Variants in ZNF611 observed in about 807,000 individuals in gnomAD.
The protein encoded by ZNF611 is zinc finger protein 611.
ZNF611 carries 6 observed loss-of-function variants against 8.9 expected under a neutral mutation model. The observed-to-expected ratio is 0.68, with a 90% confidence interval of 0.37 to 1.34. The LOEUF (loss-of-function observed/expected upper bound fraction) is 1.34. Ranked by LOEUF, ZNF611 falls within the 40% of genes most tolerant of loss-of-function variation. ZNF611 has a pLI of 0.02. For synonymous variants in ZNF611, 262 were observed against 279.7 expected (o/e 0.94, Z 0.63); for missense variants, 874 against 841.3 (o/e 1.04, Z -0.48).
chr19:52,723,680 C>A (rs1600328135), intron 3 of ZNF611: 1 of 152,190 alleles, frequency 6.6e-6, no homozygotes, highest in East Asian at 1.9e-4. Flanking sequence ...AGAGGACCAG[C>A]ACTCAGCATA....
rs565919535 is a variant in ZNF611, at chr19:52,719,390, C to T, written c.-19-3477G>A. Reference sequence around the variant, plus strand: ...CATGAAAAGGGAAGAGGGTGATCCACAACTAACGAGTCAAGTCACTGTCCT... The same window carrying T: ...CATGAAAAGGGAAGAGGGTGATCCATAACTAACGAGTCAAGTCACTGTCCT... On this transcript the variant is annotated intron_variant, in intron 3 of 5. Coordinates refer to ENST00000652185, the MANE Select transcript of ZNF611 (RefSeq NM_001161499.2). Among the ~76,000 whole-genome samples, 3 of 152,268 alleles carry T rather than the reference C, an allele frequency of 2.0e-5. No homozygotes were observed. The South Asian group carries it at 6.2e-4, about 32-fold the overall frequency.
At chr19:52,728,486 C>T (rs557656926) in intron 3 of ZNF611, among the ~76,000 whole-genome samples, 5 of 151,908 alleles carry the variant, frequency 3.3e-5, no homozygotes, top group African/African-American at 7.3e-5. Flanking sequence ...TGCAGTGAGC[C>T]GAGATCGCAC....
At chr19:52,710,761 C>G (rs1231664409) in intron 5 of ZNF611, among the ~76,000 whole-genome samples, 2 of 152,122 alleles carry the variant, frequency 1.3e-5, no homozygotes, top group Non-Finnish European at 2.9e-5. Flanking sequence ...TATTATTAAA[C>G]AAAGGAAGTT....
intron 3 of ZNF611, among the ~76,000 whole-genome samples, chr19:52,727,907 C>CTTTT (rs11319896): frequency 3.8e-5 from 4 of 105,876 alleles, no homozygotes; most frequent in Non-Finnish European, 5.7e-5. Context: ...TGTTGTGTGC[C>CTTTT]TTTTTTTTTT....
intron 3 of ZNF611, among the ~76,000 whole-genome samples, chr19:52,725,094 T>C (rs1340908682): frequency 1.3e-5 from 2 of 152,048 alleles, no homozygotes; most frequent in Non-Finnish European, 2.9e-5. Context: ...CACGCGGGTT[T>C]GGAGTAAGAG....
chr19:52,733,787 TCTC>T, intron 1 of ZNF611, among the ~76,000 whole-genome samples: 1 of 151,882 alleles, frequency 6.6e-6, no homozygotes, highest in East Asian at 1.9e-4. Context: ...TTCCACCTCT[TCTC>T]CTCCATCCTC....
chr19:52,730,209 T>C (rs4802988), intron 1 of ZNF611, among the ~76,000 whole-genome samples: 42,239 of 151,434 alleles, frequency 0.28, 5,988 homozygotes, highest in African/African-American at 0.32. Flanking sequence ...CTGGCTAACA[T>C]GGTGAAACCC....
At chr19:52,718,766 A>T (rs1266649932) in intron 3 of ZNF611, among the ~76,000 whole-genome samples, 3 of 152,090 alleles carry the variant, frequency 2.0e-5, no homozygotes, top group African/African-American at 7.2e-5. Flanking sequence ...CCATTGCACT[A>T]CAGCCTGGGC....
At chr19:52,719,174 G>A (rs1237037394) in intron 3 of ZNF611, among the ~76,000 whole-genome samples, 1 of 151,626 alleles carries the variant, frequency 6.6e-6, no homozygotes, top group Non-Finnish European at 1.5e-5. Context: ...ATCTCAAAAA[G>A]AAAAAATAAA....
At chr19:52,714,647 C>G (rs1255267709) in intron 4 of ZNF611, among the ~76,000 whole-genome samples, 6 of 144,878 alleles carry the variant, frequency 4.1e-5, no homozygotes, top group African/African-American at 1.6e-4. Flanking sequence ...AAGTTCGCAC[C>G]ACTGCCCTCC....
chr19:52,731,930 C>A (rs1055819703), intron 1 of ZNF611, among the ~76,000 whole-genome samples: 1 of 151,454 alleles, frequency 6.6e-6, no homozygotes, highest in Non-Finnish European at 1.5e-5. Flanking sequence ...GAGATCATGC[C>A]ATCGCACTCC....
chr19:52,706,015 T>G lies in ZNF611; in HGVS notation c.1040A>C (p.Glu347Ala). 1 of 1,614,206 alleles carries G rather than the reference T, an allele frequency of 6.2e-7. No individual in the cohort carries two copies. Among genetic ancestry groups the G allele is most frequent in the East Asian group, 2.2e-5 (1 of 44,882 alleles). ...DTGENPYKCN[E>A]CDKAFNQQSQ... ...TTGTTGATTAAAAGCCTTGTCACAT[T>G]CATTACACTTGTAAGGATTTTCTCC... Residue 347 changes from glutamate to alanine, a missense_variant, in exon 6 of 6, where the codon GAA (glutamate) becomes GCA (alanine). By Grantham distance (107) the Glu-to-Ala change is moderately radical. Coordinates refer to ENST00000652185, the MANE Select transcript of ZNF611 (RefSeq NM_001161499.2).
intron 3 of ZNF611, among the ~76,000 whole-genome samples, chr19:52,721,701 GAGAGGC>G (rs1324446216): frequency 1.3e-5 from 2 of 151,876 alleles, no homozygotes; most frequent in South Asian, 4.2e-4. Context: ...GAGGGAGAGG[GAGAGGC>G]AGAGGCAGAG....
At position 52,703,198 on chromosome 19, in the gene ZNF611, T is replaced by A. The variant is rs1482881798; in HGVS notation, c.*1739A>T. ...AATAAATAAATAAATAAATAAAAAATAAAGAGAGAAATGAAGAGGAACCAG... is the reference window on the plus strand; with the variant it reads ...AATAAATAAATAAATAAATAAAAAAAAAAGAGAGAAATGAAGAGGAACCAG... On this transcript the variant is annotated 3_prime_UTR_variant, in exon 6 of 6. Transcript: ENST00000652185. 4 of 147,532 alleles carry A rather than the reference T, an allele frequency of 2.7e-5. No homozygotes were observed. Among genetic ancestry groups the A allele is most frequent in the Non-Finnish European group, 6.1e-5 (4 of 65,524 alleles). 9.1% of individuals were successfully genotyped at this position (147,532 alleles called of 1,614,324 possible).
chr19:52,704,730 T>A lies in ZNF611; in HGVS notation c.*207A>T. On this transcript the variant is annotated 3_prime_UTR_variant, in exon 6 of 6. Transcript: ENST00000652185. Reference sequence around the variant, plus strand: ...CATGAATTGCCTGATGGTGAATAAGTGTTGACTGCTTGCCAAAGGCTTTGC... The same window carrying A: ...CATGAATTGCCTGATGGTGAATAAGAGTTGACTGCTTGCCAAAGGCTTTGC... The A allele has an allele frequency of 6.3e-7, 1 of 1,599,724 alleles. No individual in the cohort carries two copies. Among genetic ancestry groups the A allele is most frequent in the Non-Finnish European group, 8.6e-7 (1 of 1,168,514 alleles).
intron 1 of ZNF611, among the ~76,000 whole-genome samples, chr19:52,730,256 G>A (rs4802989): frequency 0.28 from 42,043 of 151,168 alleles, 5,959 homozygotes; most frequent in African/African-American, 0.32. Flanking sequence ...GCCGGGCATA[G>A]TGGCGGGTGC....
intron 3 of ZNF611, among the ~76,000 whole-genome samples, chr19:52,728,089 A>G (rs1383334687): frequency 1.3e-5 from 2 of 151,934 alleles, no homozygotes; most frequent in Non-Finnish European, 1.5e-5. Flanking sequence ...TTGAATTTTT[A>G]GTAGAGACAG....
chr19:52,730,248 C>T (rs1279772697), intron 1 of ZNF611, among the ~76,000 whole-genome samples: 1 of 151,612 alleles, frequency 6.6e-6, no homozygotes, highest in African/African-American at 2.4e-5. Context: ...AAAAATTAGC[C>T]GGGCATAGTG....
intron 3 of ZNF611, among the ~76,000 whole-genome samples, chr19:52,721,462 G>C (rs150491648): frequency 0.038 from 5,739 of 152,260 alleles, 343 homozygotes; most frequent in African/African-American, 0.13. Context: ...GCAAATCACT[G>C]GAGGTCAGGG....
Sources: gnomAD v4.1 joint callset for allele counts (sites outside exome capture counted in the v4.1 genomes callset) on GRCh38, gnomAD v4.1.1 for gene constraint, MANE v1.5 for transcripts, NCBI Gene and HGNC (gene_info 2026-07-23, HGNC 2026-07-21) for gene names.